Variants in LYRM1 observed in about 807,000 individuals in gnomAD.
LYRM1 encodes LYR motif-containing protein 1.
LYRM1 carries 14 observed loss-of-function variants against 14.9 expected under a neutral mutation model. The observed-to-expected ratio is 0.94, with a 90% confidence interval of 0.62 to 1.47. The LOEUF is 1.47. Among genes scored for constraint, LYRM1 ranks in the 40% most tolerant of loss-of-function variants. The pLI is 0.00. For missense variants in LYRM1, 153 were observed against 149.9 expected, an observed-to-expected ratio of 1.02 and a Z score of -0.11; for synonymous variants, 43 against 56.2, an observed-to-expected ratio of 0.77 and a Z score of 1.05.
chr16:20,915,347 C>T (rs1452945492), intron 1 of LYRM1, among the ~76,000 whole-genome samples: 1 of 151,686 alleles, frequency 6.6e-6, no homozygotes, highest in East Asian at 1.9e-4. Flanking sequence ...GTAGTCCCAG[C>T]TACTCGGGCG....
intron 1 of LYRM1, among the ~76,000 whole-genome samples, chr16:20,912,521 T>C (rs888726041): frequency 6.9e-6 from 1 of 145,350 alleles, no homozygotes; most frequent in Non-Finnish European, 1.5e-5. Context: ...TCTGCCTGTC[T>C]TGGCTTCCCA....
At chr16:20,923,589 G>C (rs1344912531) in intron 3 of LYRM1, among the ~76,000 whole-genome samples, 1 of 151,694 alleles carries the variant, frequency 6.6e-6, no homozygotes, top group African/African-American at 2.4e-5. Flanking sequence ...TTTGATCCCA[G>C]TTTTCTACTA....
intron 2 of LYRM1, among the ~76,000 whole-genome samples, chr16:20,916,849 C>T (rs971640806): frequency 6.6e-6 from 1 of 152,170 alleles, no homozygotes; most frequent in African/African-American, 2.4e-5. Flanking sequence ...CGAAGACAAA[C>T]ATAAGCCAAA....
intron 1 of LYRM1, among the ~76,000 whole-genome samples, chr16:20,907,011 A>T (rs2082354714): frequency 6.6e-6 from 1 of 152,008 alleles, no homozygotes; most frequent in Non-Finnish European, 1.5e-5. Flanking sequence ...CCCATTACTG[A>T]CTCCAAAATA....
At chr16:20,907,615 G>A (rs968142019) in intron 1 of LYRM1, among the ~76,000 whole-genome samples, 7 of 152,062 alleles carry the variant, frequency 4.6e-5, no homozygotes, top group Non-Finnish European at 7.4e-5. Flanking sequence ...TCCCACCTCA[G>A]CCTCCCAAAG....
intron 3 of LYRM1, chr16:20,922,064 C>T (rs1409121820): frequency 2.6e-5 from 4 of 151,722 alleles, no homozygotes; most frequent in Non-Finnish European, 5.9e-5. Flanking sequence ...AATCTTGGCT[C>T]ACTGCAGCCT....
chr16:20,923,589 G>A (rs1344912531), intron 3 of LYRM1, among the ~76,000 whole-genome samples: 1 of 151,694 alleles, frequency 6.6e-6, no homozygotes, highest in African/African-American at 2.4e-5. Context: ...TTTGATCCCA[G>A]TTTTCTACTA....
intron 1 of LYRM1, among the ~76,000 whole-genome samples, chr16:20,915,268 C>A (rs189438488): frequency 2.2e-4 from 34 of 152,012 alleles, no homozygotes; most frequent in Non-Finnish European, 4.3e-4. Context: ...GTCAGGAGAT[C>A]GAGACCACGG....
upstream of LYRM1, chr16:20,899,983 G>A (rs1219430519): frequency 3.3e-5 from 5 of 152,672 alleles, no homozygotes; most frequent in African/African-American, 7.2e-5. Flanking sequence ...GGGTGCTGGC[G>A]GTGGGGAGGC....
At chr16:20,907,359 C>T (rs2082373794) in intron 1 of LYRM1, among the ~76,000 whole-genome samples, 1 of 152,034 alleles carries the variant, frequency 6.6e-6, no homozygotes, top group Admixed American at 6.6e-5. Context: ...TCATGTTCAT[C>T]TTTTTTATTT....
intron 1 of LYRM1, among the ~76,000 whole-genome samples, chr16:20,910,001 G>A (rs2152536811): frequency 6.6e-6 from 1 of 152,304 alleles, no homozygotes; most frequent in Admixed American, 6.5e-5. Context: ...CCTGTGAGAA[G>A]GTTCAACAGA....
intron 1 of LYRM1, among the ~76,000 whole-genome samples, chr16:20,905,630 A>G (rs1264218241): frequency 1.3e-5 from 2 of 152,208 alleles, no homozygotes; most frequent in Non-Finnish European, 2.9e-5. Flanking sequence ...TTTCAGGAAA[A>G]AAGTATCAGA....
rs1371387542 is a variant in LYRM1, at chr16:20,924,395, ATGTAAGAGC to A, written c.*283_*291del. 2 of 277,760 alleles carry A rather than the reference ATGTAAGAGC, an allele frequency of 7.2e-6. No homozygotes were observed. The highest frequency in any genetic ancestry group is 1.4e-5 in the Non-Finnish European group (2 of 146,304). 17.2% of individuals were successfully genotyped at this position (277,760 alleles called of 1,614,324 possible). On this transcript the variant is annotated 3_prime_UTR_variant, in exon 4 of 4. Transcript: ENST00000567954. ...AGGCCTGTAGAAGGAAAGCGGAAGG[ATGTAAGAGC>A]TGTTCATGGGAATTCCATTCACCAC...
intron 2 of LYRM1, among the ~76,000 whole-genome samples, chr16:20,916,706 A>T (rs994872730): frequency 6.6e-6 from 1 of 152,142 alleles, no homozygotes; most frequent in Admixed American, 6.5e-5. Context: ...TCATCTTTCT[A>T]CAGGAGTGCC....
At chr16:20,912,270 G>GT (rs200607486) in intron 1 of LYRM1, among the ~76,000 whole-genome samples, 4,217 of 146,414 alleles carry the variant, frequency 0.029, 80 homozygotes, top group South Asian at 0.051. Flanking sequence ...GTATTTTTGG[G>GT]TTTTTTTTGT....
chr16:20,922,173 A>G (rs1444074021), intron 3 of LYRM1, among the ~76,000 whole-genome samples: 1 of 152,010 alleles, frequency 6.6e-6, no homozygotes, highest in Non-Finnish European at 1.5e-5. Flanking sequence ...TATTTTTAGT[A>G]GTAACAGGGT....
At chr16:20,905,632 A>G (rs2082280807) in intron 1 of LYRM1, among the ~76,000 whole-genome samples, 1 of 152,206 alleles carries the variant, frequency 6.6e-6, no homozygotes, top group Admixed American at 6.5e-5. Context: ...TCAGGAAAAA[A>G]GTATCAGAAC....
intron 3 of LYRM1, among the ~76,000 whole-genome samples, chr16:20,921,002 A>G (rs1241330063): frequency 1.3e-5 from 2 of 151,830 alleles, no homozygotes; most frequent in East Asian, 3.8e-4. Flanking sequence ...ATATGAATTT[A>G]AAATAATAAA....
At chr16:20,920,295 C>T (rs753053366) in intron 3 of LYRM1, 81 bp downstream of exon 3, 22 of 1,057,040 alleles carry the variant, frequency 2.1e-5, no homozygotes, top group South Asian at 1.8e-4. Context: ...AACAAGAGGG[C>T]GAGTGCTTGC....
Sources: gnomAD v4.1 joint callset for allele counts (sites outside exome capture counted in the v4.1 genomes callset) on GRCh38, gnomAD v4.1.1 for gene constraint, MANE v1.5 for transcripts, NCBI Gene and HGNC (gene_info 2026-07-23, HGNC 2026-07-21) for gene names.